HIVEP3: variants seen among roughly 807,000 people sequenced by gnomAD.
The protein encoded by HIVEP3 is HIVEP zinc finger 3, also known as transcription factor HIVEP3.
A neutral mutation model predicts 152.8 loss-of-function variants in HIVEP3; 49 were observed. That is an observed-to-expected ratio of 0.32 (90% CI 0.26 to 0.41). The LOEUF (loss-of-function observed/expected upper bound fraction) is 0.41. Among genes scored for constraint, HIVEP3 ranks in the 10% least tolerant of loss-of-function variants. HIVEP3 has a pLI of 1.00. For missense variants in HIVEP3, 2,790 were observed against 3,103.3 expected (o/e 0.90, Z 2.40); for synonymous variants, 1,269 against 1,289.0 (o/e 0.98, Z 0.33).
At chr1:41,874,767 C>G (rs895271329) in intron 1 of HIVEP3, among the ~76,000 whole-genome samples, 1 of 152,178 alleles carries the variant, frequency 6.6e-6, no homozygotes, top group Admixed American at 6.5e-5. Flanking sequence ...AGCAAACAAA[C>G]AAACAGAGGC....
intron 1 of HIVEP3, among the ~76,000 whole-genome samples, chr1:41,852,124 C>G (rs1643620821): frequency 6.6e-6 from 1 of 152,242 alleles, no homozygotes; most frequent in Non-Finnish European, 1.5e-5. Flanking sequence ...GGTGAAATTT[C>G]TCGGCATGCA....
chr1:41,675,808 T>C (rs1391576711), intron 2 of HIVEP3, among the ~76,000 whole-genome samples: 2 of 152,098 alleles, frequency 1.3e-5, no homozygotes, highest in Non-Finnish European at 2.9e-5. Flanking sequence ...TAGAGGAAAG[T>C]GTGCAGGGGT....
At chr1:41,708,710 G>A (rs1343728511) in intron 1 of HIVEP3, among the ~76,000 whole-genome samples, 1 of 152,184 alleles carries the variant, frequency 6.6e-6, no homozygotes, top group Admixed American at 6.5e-5. Flanking sequence ...ACACTGAAGA[G>A]CCCTAATGGT....
chr1:41,553,033 G>C (rs1280629159), intron 5 of HIVEP3, among the ~76,000 whole-genome samples: 1 of 152,210 alleles, frequency 6.6e-6, no homozygotes, highest in Non-Finnish European at 1.5e-5. Flanking sequence ...GCAGACCTGA[G>C]TTCACGTCCT....
At chr1:41,936,589 C>T (rs562020086) in intron 1 of HIVEP3, among the ~76,000 whole-genome samples, 1 of 152,286 alleles carries the variant, frequency 6.6e-6, no homozygotes, top group South Asian at 2.1e-4. Context: ...AATGTTAAAA[C>T]ATTTTGATGC....
Position 41,723,501 on chromosome 1 carries a change from C to CACACACACA in HIVEP3, c.-800-22507_-800-22506insTGTGTGTGT, listed in dbSNP as rs57345431. Among the ~76,000 whole-genome samples the CACACACACA allele has an allele frequency of 3.1e-3, 453 of 146,546 alleles. 5 individuals are homozygous for CACACACACA. The highest frequency in any genetic ancestry group is 0.011 in the African/African-American group (422 of 39,362). On this transcript the variant is annotated intron_variant, in intron 1 of 8. Transcript: ENST00000372583. The stretch of plus-strand genomic sequence containing the variant: ...TCATACACACACACACACACAGCCA[C>CACACACACA]CACACACACACACACACACACACAC...
intron 1 of HIVEP3, among the ~76,000 whole-genome samples, chr1:41,751,754 G>GTC (rs1414966388): frequency 2.0e-5 from 3 of 152,176 alleles, no homozygotes; most frequent in Non-Finnish European, 4.4e-5. Context: ...GCAGGAGAGT[G>GTC]TCTAATGCTT....
intron 1 of HIVEP3, among the ~76,000 whole-genome samples, chr1:42,015,437 A>T (rs1433949242): frequency 6.6e-6 from 1 of 152,198 alleles, no homozygotes; most frequent in African/African-American, 2.4e-5. Flanking sequence ...CAGACCTGTG[A>T]GGGGTTTGCA....
chr1:41,792,212 T>A (rs1229911474), intron 1 of HIVEP3, among the ~76,000 whole-genome samples: 2 of 152,166 alleles, frequency 1.3e-5, no homozygotes, highest in Admixed American at 1.3e-4. Flanking sequence ...TGAGCACAAG[T>A]AAAGTTGTTC....
intron 5 of HIVEP3, among the ~76,000 whole-genome samples, chr1:41,574,105 G>T (rs1030174434): frequency 4.6e-5 from 7 of 152,120 alleles, no homozygotes; most frequent in African/African-American, 1.7e-4. Flanking sequence ...ACAGACTGCT[G>T]CTGGGGCAAG....
In HIVEP3 at chr1:41,575,755, T is replaced by C; in HGVS notation, c.5062-66A>G. 4 of 1,550,786 alleles carry C rather than the reference T, an allele frequency of 2.6e-6. No individual in the cohort carries two copies. The East Asian group carries it at 6.7e-5, about 26-fold the overall frequency. ...AGTGCATCCTCAGTCACGAATGCAATGCTAATAATCATGCCTTACACAGTA... is the reference window on the plus strand; with the variant it reads ...AGTGCATCCTCAGTCACGAATGCAACGCTAATAATCATGCCTTACACAGTA... On this transcript the variant is annotated intron_variant, in intron 4 of 8. Coordinates refer to ENST00000372583, the MANE Select transcript of HIVEP3 (RefSeq NM_024503.5).
At chr1:41,827,409 C>G (rs1642835705) in intron 1 of HIVEP3, among the ~76,000 whole-genome samples, 1 of 152,066 alleles carries the variant, frequency 6.6e-6, no homozygotes, top group Admixed American at 6.5e-5. Flanking sequence ...TTACCATCAC[C>G]TGCAAGTGAA....
Position 41,583,406 on chromosome 1 carries a change from G to A in HIVEP3, c.1392C>T (p.His464=). Residue 464 remains histidine (H), a synonymous_variant, in exon 4 of 9, where the codon CAC becomes CAT. Transcript: ENST00000372583. The surrounding 1 kb of genome is among the most constrained non-coding windows in gnomAD (Gnocchi z 6.9). ...LSVPRTQVIE[H]ITKLITINEA... ...CGTTGATGGTGATGAGCTTCGTGAT[G>A]TGCTCGATCACCTGCGTCCGGGGTA... 5 of 1,613,952 alleles carry A rather than the reference G, an allele frequency of 3.1e-6. No homozygotes were observed. The highest frequency in any genetic ancestry group is 4.2e-6 in the Non-Finnish European group (5 of 1,179,972).
chr1:41,527,330 A>T (rs1345360347), intron 5 of HIVEP3, among the ~76,000 whole-genome samples: 2 of 40,110 alleles, frequency 5.0e-5, no homozygotes, highest in Non-Finnish European at 1.2e-4. Flanking sequence ...GCACTCACAC[A>T]CACATCCCAC....
intron 1 of HIVEP3, among the ~76,000 whole-genome samples, chr1:41,837,744 G>A (rs2124364881): frequency 6.6e-6 from 1 of 152,312 alleles, no homozygotes; most frequent in African/African-American, 2.4e-5. Flanking sequence ...CAAGCACACT[G>A]GCTTTCTTCC....
chr1:41,892,607 C>T (rs1218561959), intron 1 of HIVEP3, among the ~76,000 whole-genome samples: 2 of 152,194 alleles, frequency 1.3e-5, no homozygotes, highest in East Asian at 3.8e-4. Context: ...TGAACGTTGG[C>T]TCTCCTCTTG....
At chr1:41,989,699 G>C (rs1297312521) in intron 1 of HIVEP3, among the ~76,000 whole-genome samples, 1 of 147,322 alleles carries the variant, frequency 6.8e-6, no homozygotes, top group Non-Finnish European at 1.5e-5. Flanking sequence ...GAAGTGACCT[G>C]AAGTACTCAG....
intron 1 of HIVEP3, among the ~76,000 whole-genome samples, chr1:41,738,354 C>T (rs564299399): frequency 2.0e-5 from 3 of 152,296 alleles, no homozygotes; most frequent in East Asian, 1.9e-4. Context: ...GGCCTCAGCA[C>T]GGAGCCATGG....
At chr1:41,572,302 G>A (rs1364970716) in intron 5 of HIVEP3, among the ~76,000 whole-genome samples, 1 of 152,216 alleles carries the variant, frequency 6.6e-6, no homozygotes, top group East Asian at 1.9e-4. Context: ...ACACTACCAA[G>A]GGAGAATGCT....
Sources: gnomAD v4.1 joint callset for allele counts (sites outside exome capture counted in the v4.1 genomes callset) on GRCh38, gnomAD v4.1.1 for gene constraint, Gnocchi (gnomAD v3.1) non-coding constraint, MANE v1.5 for transcripts, NCBI Gene and HGNC (gene_info 2026-07-23, HGNC 2026-07-21) for gene names.